PRPF40B: variants seen among roughly 807,000 people sequenced by gnomAD.
The protein encoded by PRPF40B is pre-mRNA-processing factor 40 homolog B.
In PRPF40B, 56 loss-of-function variants were observed where a neutral mutation model predicts 124.5. The ratio of observed to expected loss-of-function variants is 0.45; its 90% confidence interval spans 0.36 to 0.56. The LOEUF is 0.56. Ranked by LOEUF, PRPF40B falls within the 20% of genes least tolerant of loss-of-function variation. The pLI, the probability that PRPF40B is intolerant of heterozygous loss-of-function variation, is 0.00. For missense variants in PRPF40B, 1,053 were observed against 1,169.5 expected, an observed-to-expected ratio of 0.90 and a Z score of 1.45; for synonymous variants, 443 against 426.4, an observed-to-expected ratio of 1.04 and a Z score of -0.48.
chr12:49,626,870 C>T (rs1940766735), intron 1 of PRPF40B, among the ~76,000 whole-genome samples: 1 of 151,964 alleles, frequency 6.6e-6, no homozygotes, highest in African/African-American at 2.4e-5. Flanking sequence ...CAGTTCTGTC[C>T]CTAACCAGTG....
chr12:49,628,562 G>GTT (rs1226851283), intron 1 of PRPF40B, among the ~76,000 whole-genome samples: 23 of 134,966 alleles, frequency 1.7e-4, no homozygotes, highest in Non-Finnish European at 2.1e-4. Flanking sequence ...GCCAGGAACA[G>GTT]TTTTTTTTTT....
At chr12:49,632,044 C>T (rs1337939984) in intron 4 of PRPF40B, 119 bp downstream of exon 4, 21 of 974,222 alleles carry the variant, frequency 2.2e-5, no homozygotes, top group South Asian at 9.1e-5. Context: ...CCCAGGTCCC[C>T]GGCAGCACTC....
Position 49,634,096 on chromosome 12 carries a change from A to T in PRPF40B, c.812+4A>T, listed in dbSNP as rs367998186. ...AGCTGGAGGAGGGCCCCAGCAGGTG[A>T]GGGCTGCCCCCCATGGCATTCCCAA... On this transcript the variant is annotated splice_donor_region_variant and intron_variant, in intron 10 of 25. Coordinates refer to ENST00000548825, the MANE Select transcript of PRPF40B (RefSeq NM_001031698.3). The T allele has an allele frequency of 6.2e-7, 1 of 1,611,084 alleles. No individual in the cohort carries two copies. Among genetic ancestry groups the T allele is most frequent in the Non-Finnish European group, 8.5e-7 (1 of 1,179,098 alleles).
intron 1 of PRPF40B, among the ~76,000 whole-genome samples, chr12:49,629,320 CTG>C (rs1184144020): frequency 1.3e-5 from 2 of 152,228 alleles, no homozygotes; most frequent in Admixed American, 6.5e-5. Context: ...TTGTTTATAA[CTG>C]TATAGCACTG....
chr12:49,630,247 G>A (rs1014427052), intron 1 of PRPF40B, among the ~76,000 whole-genome samples: 2 of 152,232 alleles, frequency 1.3e-5, no homozygotes, highest in African/African-American at 4.8e-5. Flanking sequence ...GCCAGTCTGT[G>A]CCTGTAGTGA....
chr12:49,631,734 C>A lies in PRPF40B; in HGVS notation c.229-126C>A, dbSNP rs1941245551. 2 of 1,248,658 alleles carry A rather than the reference C, an allele frequency of 1.6e-6. No individual in the cohort carries two copies. Among genetic ancestry groups the A allele is most frequent in the Non-Finnish European group, 2.3e-6 (2 of 852,840 alleles). The allele number at this position is 1,248,658 out of a possible 1,614,324, so 77.3% of individuals were successfully genotyped here. On this transcript the variant is annotated intron_variant, in intron 3 of 25. Coordinates refer to ENST00000548825, the MANE Select transcript of PRPF40B (RefSeq NM_001031698.3). The surrounding 1 kb of genome is among the most constrained non-coding windows in gnomAD (Gnocchi z 4.3). Reference sequence around the variant, plus strand: ...GTGAGAGGCCAGAATCTGGGGATTGCCTGAGGAAGTGCCCAAGTGAGGGTC... The same window carrying A: ...GTGAGAGGCCAGAATCTGGGGATTGACTGAGGAAGTGCCCAAGTGAGGGTC...
In PRPF40B at chr12:49,635,642, T is replaced by C. The variant is rs1340941028; in HGVS notation, c.1275+169T>C. ...TCTCATTTCTGCTCTGGGCCTATAG[T>C]CCTGGGTGTAGCAGGGAGGAGGAGT... On this transcript the variant is annotated intron_variant, in intron 14 of 25. Transcript: ENST00000548825. The surrounding 1 kb of genome is among the most constrained non-coding windows in gnomAD (Gnocchi z 4.1). 6.6e-6 allele frequency among the ~76,000 whole-genome samples: 1 copy of C among 152,068 alleles called. No homozygotes were observed. Among genetic ancestry groups the C allele is most frequent in the African/African-American group, 2.4e-5 (1 of 41,368 alleles).
chr12:49,644,338 C>T lies in PRPF40B; in HGVS notation c.*146C>T. 2 of 909,932 alleles carry T rather than the reference C, an allele frequency of 2.2e-6. No individual in the cohort carries two copies. Among genetic ancestry groups the T allele is most frequent in the Non-Finnish European group, 3.4e-6 (2 of 586,418 alleles). The allele number at this position is 909,932 out of a possible 1,614,324, so 56.4% of individuals were successfully genotyped here. ...ACCCCCAGCACACCATTGTTGGCACCTCTCAAGGTTGCTCTTGGTGTTCAA... is the reference window on the plus strand; with the variant it reads ...ACCCCCAGCACACCATTGTTGGCACTTCTCAAGGTTGCTCTTGGTGTTCAA... On this transcript the variant is annotated 3_prime_UTR_variant, in exon 26 of 26. Coordinates refer to ENST00000548825, the MANE Select transcript of PRPF40B (RefSeq NM_001031698.3).
At chr12:49,626,063 C>G (rs1227853243) in intron 1 of PRPF40B, among the ~76,000 whole-genome samples, 2 of 152,204 alleles carry the variant, frequency 1.3e-5, no homozygotes, top group Non-Finnish European at 2.9e-5. Context: ...ATTAGGTTTT[C>G]TCATGCCAAC....
chr12:49,627,988 G>A lies in PRPF40B; in HGVS notation c.4-2557G>A, dbSNP rs536016868. On this transcript the variant is annotated intron_variant, in intron 1 of 25. Coordinates refer to ENST00000548825, the MANE Select transcript of PRPF40B (RefSeq NM_001031698.3). ...ATGGTGTGGTGCCAGTCTCTGAGAC[G>A]CTTCTGAGGCTCCCCTGGAGCCTGG... is the stretch of plus-strand genomic sequence containing the variant. 3.9e-4 allele frequency among the ~76,000 whole-genome samples: 59 copies of A among 152,260 alleles called. No homozygotes were observed. The Middle Eastern group carries it at 0.01, about 26-fold the overall frequency.
intron 7 of PRPF40B, 118 bp downstream of exon 7, chr12:49,633,242 C>A: frequency 1.6e-6 from 2 of 1,245,186 alleles, no homozygotes; most frequent in South Asian, 1.4e-5. Context: ...AGGTCCCTGA[C>A]CATTCCTCAC....
At chr12:49,628,030 T>C (rs1320312001) in intron 1 of PRPF40B, among the ~76,000 whole-genome samples, 2 of 152,212 alleles carry the variant, frequency 1.3e-5, no homozygotes, top group East Asian at 3.9e-4. Flanking sequence ...CCAAAGATGT[T>C]AGAGAGGCTC....
chr12:49,633,364 C>T lies in PRPF40B; in HGVS notation c.460-63C>T, dbSNP rs1055736717. ...TCCTCTACTCACTAGGTCCCCTTAG[C>T]TCCCCTGACTGGCTGGAGAACTTGC... On this transcript the variant is annotated intron_variant, in intron 7 of 25. Transcript: ENST00000548825. 1.7e-5 allele frequency: 27 copies of T among 1,606,656 alleles called. No individual in the cohort carries two copies. The Middle Eastern group carries it at 3.2e-3, about 193-fold the overall frequency.
At position 49,642,497 on chromosome 12, in the gene PRPF40B, C is replaced by T; in HGVS notation, c.2023-83C>T. The T allele has an allele frequency of 1.3e-6, 2 of 1,580,194 alleles. No individual in the cohort carries two copies. Among genetic ancestry groups the T allele is most frequent in the South Asian group, 2.2e-5 (2 of 89,692 alleles). The stretch of plus-strand genomic sequence containing the variant: ...CTCCAGTTCCCTTCCTTTCTCTGCC[C>T]CAGCCCTGCCCTGTGCTCATGGCGG... On this transcript the variant is annotated intron_variant, in intron 20 of 25. Coordinates refer to ENST00000548825, the MANE Select transcript of PRPF40B (RefSeq NM_001031698.3). This position sits in a 1 kb window ranked among gnomAD's most constrained non-coding sequence, Gnocchi z 5.8.
intron 10 of PRPF40B, 114 bp downstream of exon 10, chr12:49,634,206 A>G: frequency 1.3e-6 from 2 of 1,578,590 alleles, no homozygotes; most frequent in Non-Finnish European, 1.7e-6. Context: ...TCTGGGTGTG[A>G]CCTCTGAAGG....
chr12:49,630,458 T>A (rs1232927142), intron 1 of PRPF40B, 87 bp from the exon 2 acceptor site: 2 of 718,182 alleles, frequency 2.8e-6, no homozygotes, highest in Admixed American at 2.0e-5. Context: ...GTGCTCCTTT[T>A]TCATCCTCAC....
chr12:49,637,237 G>C (rs142467817), intron 16 of PRPF40B: 133 of 577,444 alleles, frequency 2.3e-4, no homozygotes, highest in African/African-American at 2.2e-3. Context: ...TTTGCATCCC[G>C]GGACTGGCTT....
Position 49,642,816 on chromosome 12 carries a change from T to C in PRPF40B, c.2119-114T>C, listed in dbSNP as rs1248124578. On this transcript the variant is annotated intron_variant, in intron 21 of 25. Transcript: ENST00000548825. This position sits in a 1 kb window ranked among gnomAD's most constrained non-coding sequence, Gnocchi z 5.8. ...AGGGGAGGCCTGAGGATCCCTGGGA[T>C]AGGCAGAAGGCTCTAGTCTGAGAAA... 4 of 1,430,012 alleles carry C rather than the reference T, an allele frequency of 2.8e-6. No homozygotes were observed. The highest frequency in any genetic ancestry group is 2.0e-5 in the Admixed American group (1 of 50,130). The allele number at this position is 1,430,012 out of a possible 1,614,324, so 88.6% of individuals were successfully genotyped here.
In PRPF40B at chr12:49,635,518, C is replaced by T. The variant is rs1471050131; in HGVS notation, c.1275+45C>T. 6.5e-7 allele frequency: 1 copy of T among 1,538,286 alleles called. No individual in the cohort carries two copies. The stretch of plus-strand genomic sequence containing the variant: ...ATCCTTCAGCCCATCTCATCCTGGA[C>T]TTTCCTTGTCTTTGCTTTGTTATGG... On this transcript the variant is annotated intron_variant, in intron 14 of 25. Transcript: ENST00000548825. This position sits in a 1 kb window ranked among gnomAD's most constrained non-coding sequence, Gnocchi z 4.1.
Sources: allele counts gnomAD v4.1 joint callset (sites outside exome capture counted in the v4.1 genomes callset), GRCh38; gene constraint gnomAD v4.1.1; non-coding constraint Gnocchi (gnomAD v3.1); transcripts MANE v1.5; gene names NCBI Gene and HGNC (gene_info 2026-07-23, HGNC 2026-07-21).